The following VWC2L variants were observed in gnomAD, a reference collection of about 807,000 sequenced individuals.
VWC2L encodes von Willebrand factor C domain containing 2 like, also known as von Willebrand factor C domain-containing protein 2-like.
Under a neutral mutation model 21.6 loss-of-function variants are expected in VWC2L, and 10 were observed. The observed-to-expected ratio is 0.46, with a 90% CI of 0.29 to 0.78. The LOEUF (loss-of-function observed/expected upper bound fraction) is 0.78. Among genes scored for constraint, VWC2L ranks in the 30% least tolerant of loss-of-function variants. The pLI is 0.10. For missense variants in VWC2L, 209 were observed against 277.1 expected, an observed-to-expected ratio of 0.75 and a Z score of 1.74; for synonymous variants, 96 against 94.3, an observed-to-expected ratio of 1.02 and a Z score of -0.10.
intron 3 of VWC2L, among the ~76,000 whole-genome samples, chr2:214,491,378 G>A (rs762358444): frequency 1.3e-5 from 2 of 152,180 alleles, no homozygotes; most frequent in Non-Finnish European, 2.9e-5. Flanking sequence ...AGGACGCAGA[G>A]CACGAGCAAT....
At chr2:214,475,234 C>G (rs1336967921) in intron 3 of VWC2L, among the ~76,000 whole-genome samples, 1 of 151,900 alleles carries the variant, frequency 6.6e-6, no homozygotes, top group East Asian at 1.9e-4. Flanking sequence ...ATTTTATGCC[C>G]AAATGGACCA....
At chr2:214,506,223 T>C in intron 3 of VWC2L, among the ~76,000 whole-genome samples, 1 of 152,124 alleles carries the variant, frequency 6.6e-6, no homozygotes, top group East Asian at 1.9e-4. Flanking sequence ...GGCAAAAAAG[T>C]AGAAATCAAA....
At chr2:214,496,241 A>AACTTATTTTGGGACATATATATATATAT (rs1243230279) in intron 3 of VWC2L, among the ~76,000 whole-genome samples, 1 of 151,568 alleles carries the variant, frequency 6.6e-6, no homozygotes, top group African/African-American at 2.4e-5. Context: ...AAGGTATTAC[A>AACTTATTTTGGGACATATATATATATAT]ATCTTATGGG....
At chr2:214,471,043 T>A (rs1244668500) in intron 3 of VWC2L, among the ~76,000 whole-genome samples, 2 of 152,142 alleles carry the variant, frequency 1.3e-5, no homozygotes, top group African/African-American at 4.8e-5. Context: ...GTACCTTTTT[T>A]CCCCATGAGT....
intron 3 of VWC2L, among the ~76,000 whole-genome samples, chr2:214,448,027 G>C (rs1702865882): frequency 6.6e-6 from 1 of 152,042 alleles, no homozygotes. Context: ...TGATCCCCAT[G>C]TGGTTCTATG....
At chr2:214,460,300 AC>A (rs1435239163) in intron 3 of VWC2L, among the ~76,000 whole-genome samples, 1 of 151,950 alleles carries the variant, frequency 6.6e-6, no homozygotes, top group Non-Finnish European at 1.5e-5. Flanking sequence ...GGATGTGTAA[AC>A]CTCTTGCTAG....
chr2:214,499,009 CTTTTTTTTTTTTTT>C (rs56085205), intron 3 of VWC2L, among the ~76,000 whole-genome samples: 13 of 83,450 alleles, frequency 1.6e-4, no homozygotes, highest in African/African-American at 6.1e-5. Flanking sequence ...TCGTACCATT[CTTTTTTTTTTTTTT>C]TTTTTTTTTT....
rs974805632 is a variant in VWC2L, at chr2:214,459,413, ATTTAT to A, written c.520+22659_520+22663del. ...TCTATTTACATTCAAAGTGGTTATT[ATTTAT>A]TTTGTTAATTATTTTCAGATTGCTT... On this transcript the variant is annotated intron_variant, in intron 3 of 3. Transcript: ENST00000312504. 3.9e-5 allele frequency among the ~76,000 whole-genome samples: 6 copies of A among 152,092 alleles called. No homozygotes were observed. The South Asian group carries it at 8.3e-4, about 21-fold the overall frequency.
intron 3 of VWC2L, among the ~76,000 whole-genome samples, chr2:214,572,689 G>C (rs1690170054): frequency 6.6e-6 from 1 of 152,120 alleles, no homozygotes; most frequent in East Asian, 1.9e-4. Flanking sequence ...CATTCTGCCT[G>C]ACAATTATCT....
chr2:214,531,527 A>T (rs1273446213), intron 3 of VWC2L, among the ~76,000 whole-genome samples: 1 of 152,142 alleles, frequency 6.6e-6, no homozygotes, highest in African/African-American at 2.4e-5. Context: ...CAGGTAATCA[A>T]CTTTTCCTTC....
At chr2:214,520,104 TTG>T in intron 3 of VWC2L, among the ~76,000 whole-genome samples, 1 of 144,708 alleles carries the variant, frequency 6.9e-6, no homozygotes, top group East Asian at 2.2e-4. Flanking sequence ...TGTAGATGTC[TTG>T]TGTTTACATA....
chr2:214,517,696 G>A (rs1243376912), intron 3 of VWC2L, among the ~76,000 whole-genome samples: 3 of 152,090 alleles, frequency 2.0e-5, no homozygotes, highest in African/African-American at 7.2e-5. Flanking sequence ...AATGACACCA[G>A]AGCAAAGAAA....
rs761759449 is a variant in VWC2L, at chr2:214,421,885, C to CTTTTTTTTTTTTT, written c.390+7314_390+7326dup. ...CATAATTTTTTTCTATTTCCTACATCTTTTTTTTTTTTTTTTTTTTTTTTG... is the reference window on the plus strand; with the variant it reads ...CATAATTTTTTTCTATTTCCTACATCTTTTTTTTTTTTTTTTTTTTTTTTTTTTTTTTTTTTTG... On this transcript the variant is annotated intron_variant, in intron 2 of 3. Transcript: ENST00000312504. Among the ~76,000 whole-genome samples the CTTTTTTTTTTTTT allele has an allele frequency of 4.2e-4, 32 of 76,168 alleles. 1 individual carries two copies. The highest frequency in any genetic ancestry group is 7.6e-4 in the African/African-American group (12 of 15,716). The allele number at this position is 76,168 out of a possible 152,430, so 50.0% of individuals were successfully genotyped here.
intron 3 of VWC2L, among the ~76,000 whole-genome samples, chr2:214,447,523 G>T (rs145693873): frequency 2.4e-4 from 36 of 152,264 alleles, no homozygotes; most frequent in African/African-American, 8.4e-4. Flanking sequence ...TTTTCAGGGA[G>T]TTGGAATCCC....
At chr2:214,556,412 T>C (rs906859653) in intron 3 of VWC2L, among the ~76,000 whole-genome samples, 83 of 152,208 alleles carry the variant, frequency 5.5e-4, no homozygotes, top group African/African-American at 1.9e-3. Context: ...CAAAATTGTC[T>C]TAACTTGAGG....
At chr2:214,506,618 C>T (rs1688971424) in intron 3 of VWC2L, among the ~76,000 whole-genome samples, 1 of 152,048 alleles carries the variant, frequency 6.6e-6, no homozygotes, top group Non-Finnish European at 1.5e-5. Flanking sequence ...TCAATAATTA[C>T]TTCTTTCTAA....
At chr2:214,498,497 A>G (rs1433486866) in intron 3 of VWC2L, among the ~76,000 whole-genome samples, 1 of 151,960 alleles carries the variant, frequency 6.6e-6, no homozygotes, top group African/African-American at 2.4e-5. Flanking sequence ...CTTTTTCTTA[A>G]TATTTCTCCT....
intron 3 of VWC2L, among the ~76,000 whole-genome samples, chr2:214,554,848 T>C (rs1352320554): frequency 6.6e-6 from 1 of 152,176 alleles, no homozygotes; most frequent in African/African-American, 2.4e-5. Flanking sequence ...AACTGTATTT[T>C]ACCTTAAAAT....
intron 3 of VWC2L, among the ~76,000 whole-genome samples, chr2:214,511,288 A>G (rs1314731315): frequency 6.6e-6 from 1 of 152,166 alleles, no homozygotes; most frequent in African/African-American, 2.4e-5. Flanking sequence ...AAATTGTTAA[A>G]GTGACCAAAA....
Sources: allele counts gnomAD v4.1 joint callset (sites outside exome capture counted in the v4.1 genomes callset), GRCh38; gene constraint gnomAD v4.1.1; transcripts MANE v1.5; gene names NCBI Gene and HGNC (gene_info 2026-07-23, HGNC 2026-07-21).